The following EZH2 variants were observed in gnomAD, a reference collection of about 807,000 sequenced individuals.
EZH2 encodes histone-lysine N-methyltransferase EZH2.
A neutral mutation model predicts 98.4 loss-of-function variants in EZH2; 18 were observed. The ratio of observed to expected loss-of-function variants is 0.18; its 90% confidence interval spans 0.13 to 0.27. The LOEUF (loss-of-function observed/expected upper bound fraction) is 0.27. Ranked by LOEUF, EZH2 falls within the 10% of genes least tolerant of loss-of-function variation. The probability of loss-of-function intolerance (pLI) is 1.00; values close to 1 mark genes in which losing one functional copy is unlikely to be tolerated. For missense variants in EZH2, 470 were observed against 935.1 expected (o/e 0.50, Z 6.49); for synonymous variants, 338 against 312.3 (o/e 1.08, Z -0.87).
At chr7:148,842,769 T>A (rs959133001) in intron 3 of EZH2, among the ~76,000 whole-genome samples, 4 of 152,054 alleles carry the variant, frequency 2.6e-5, no homozygotes, top group African/African-American at 7.2e-5. Flanking sequence ...TAAAGTATCT[T>A]AAAAACACAT....
intron 19 of EZH2, among the ~76,000 whole-genome samples, 180 bp from the exon 20 acceptor site, chr7:148,807,886 A>G (rs1371286811): frequency 2.6e-5 from 4 of 151,930 alleles, no homozygotes; most frequent in Non-Finnish European, 5.9e-5. Context: ...ATAGAAGGCA[A>G]TGCATAGGTC....
At chr7:148,828,708 T>G (rs1563243322) in intron 6 of EZH2, 32 bp downstream of exon 6, 1 of 1,598,744 alleles carries the variant, frequency 6.3e-7, no homozygotes, top group Non-Finnish European at 8.5e-7. Context: ...AAAGCTGTAA[T>G]GGCTACACAG....
intron 12 of EZH2, among the ~76,000 whole-genome samples, chr7:148,816,043 C>T (rs749082975): frequency 6.6e-6 from 1 of 152,182 alleles, no homozygotes; most frequent in Non-Finnish European, 1.5e-5. Context: ...GAAAATGTAA[C>T]ATGAGCCTGT....
At chr7:148,866,682 A>G (rs1818589736) in intron 1 of EZH2, among the ~76,000 whole-genome samples, 1 of 144,572 alleles carries the variant, frequency 6.9e-6, no homozygotes, top group East Asian at 2.0e-4. Context: ...ATGTACGTAT[A>G]TGCATATATA....
intron 3 of EZH2, among the ~76,000 whole-genome samples, chr7:148,835,947 G>A (rs1433329109): frequency 6.6e-6 from 1 of 152,136 alleles, no homozygotes; most frequent in African/African-American, 2.4e-5. Context: ...AGAACTTATG[G>A]AAGCACAGAA....
At chr7:148,820,375 C>T (rs150407128) in intron 8 of EZH2, among the ~76,000 whole-genome samples, 6 of 152,248 alleles carry the variant, frequency 3.9e-5, no homozygotes, top group African/African-American at 1.4e-4. Context: ...GCTAACTTCA[C>T]AGAATTTCTT....
rs777775240 is a variant in EZH2 at position 148,836,725 on chromosome 7, TG to T, written c.247-3976del. 561 of 391,616 alleles carry T rather than the reference TG, an allele frequency of 1.4e-3. 1 individual carries two copies. The highest frequency in any genetic ancestry group is 2.8e-3 in the Admixed American group (81 of 28,930). 24.3% of individuals were successfully genotyped at this position (391,616 alleles called of 1,614,324 possible). A position where few individuals can be genotyped will look rare whatever the true frequency, so the allele number is the denominator to read the frequency against. On this transcript the variant is annotated intron_variant, in intron 3 of 19. Transcript: ENST00000320356. ...ATCAATGGTTTAAAAAAAAAGGGGA[TG>T]GGGGGGACTAGAATCATTACCAAGG...
At chr7:148,809,269 A>C in intron 18 of EZH2, 41 bp downstream of exon 18, 1 of 1,587,236 alleles carries the variant, frequency 6.3e-7, no homozygotes, top group African/African-American at 1.3e-5. Context: ...TCATCACAGG[A>C]CTGAAAAGGG....
intron 3 of EZH2, among the ~76,000 whole-genome samples, chr7:148,841,212 C>A (rs1585113669): frequency 6.7e-6 from 1 of 149,378 alleles, no homozygotes; most frequent in African/African-American, 2.5e-5. Flanking sequence ...TTTGGAAAAG[C>A]ATAAAATGCT....
At chr7:148,843,235 C>T (rs1016029417) in intron 3 of EZH2, among the ~76,000 whole-genome samples, 9 of 150,918 alleles carry the variant, frequency 6.0e-5, no homozygotes, top group Non-Finnish European at 5.9e-5. Flanking sequence ...AAAATTAGCC[C>T]GATGTGGTGG....
chr7:148,841,275 A>T (rs1812360982), intron 3 of EZH2, among the ~76,000 whole-genome samples: 3 of 152,102 alleles, frequency 2.0e-5, no homozygotes, highest in Admixed American at 2.0e-4. Flanking sequence ...ATCATTTAAG[A>T]AATGTTACAT....
chr7:148,881,859 G>A (rs917327672), intron 1 of EZH2, among the ~76,000 whole-genome samples: 2 of 151,316 alleles, frequency 1.3e-5, no homozygotes, highest in Non-Finnish European at 2.9e-5. Flanking sequence ...CCTTAAACCC[G>A]GGAGGCAGAG....
chr7:148,843,673 G>A lies in EZH2; in HGVS notation c.246+2797C>T, dbSNP rs979161584. Reference sequence around the variant, plus strand: ...TGCAGTGGCGCGATCTCGGCTCACTGCAAGCTCCGCCTCCCAGGTTCACGC... The same window carrying A: ...TGCAGTGGCGCGATCTCGGCTCACTACAAGCTCCGCCTCCCAGGTTCACGC... On this transcript the variant is annotated intron_variant, in intron 3 of 19. Transcript: ENST00000320356. 3.0e-5 allele frequency among the ~76,000 whole-genome samples: 4 copies of A among 132,732 alleles called. No homozygotes were observed. In the South Asian group the frequency reaches 9.6e-4, roughly 32 times the overall value. 87.1% of individuals were successfully genotyped at this position (132,732 alleles called of 152,430 possible).
At chr7:148,857,897 A>G (rs1390401179) in intron 1 of EZH2, among the ~76,000 whole-genome samples, 1 of 152,084 alleles carries the variant, frequency 6.6e-6, no homozygotes. Flanking sequence ...GATAACAGAA[A>G]CAAATTTTAA....
intron 1 of EZH2, among the ~76,000 whole-genome samples, chr7:148,855,216 A>C (rs1816614311): frequency 6.6e-6 from 1 of 152,266 alleles, no homozygotes; most frequent in Admixed American, 6.5e-5. Flanking sequence ...CTCAGCAGAG[A>C]GAGTGCTGTC....
At chr7:148,865,152 A>T (rs776725871) in intron 1 of EZH2, among the ~76,000 whole-genome samples, 129 of 151,994 alleles carry the variant, frequency 8.5e-4, no homozygotes, top group Admixed American at 1.6e-3. Context: ...AAGTACCAGA[A>T]ACTAAAGCTA....
chr7:148,840,309 T>C (rs1026614588), intron 3 of EZH2, among the ~76,000 whole-genome samples: 2 of 152,182 alleles, frequency 1.3e-5, no homozygotes, highest in Non-Finnish European at 2.9e-5. Context: ...CAATAAATTA[T>C]GGTATATCCA....
At chr7:148,822,448 T>C (rs1449351865) in intron 8 of EZH2, among the ~76,000 whole-genome samples, 2 of 150,650 alleles carry the variant, frequency 1.3e-5, no homozygotes, top group African/African-American at 2.4e-5. Context: ...AGGCAAAGGC[T>C]GCAATGAGCC....
intron 1 of EZH2, among the ~76,000 whole-genome samples, chr7:148,861,517 G>A (rs1261245330): frequency 1.3e-5 from 2 of 152,154 alleles, no homozygotes; most frequent in Admixed American, 1.3e-4. Flanking sequence ...ATGAGCCACA[G>A]CGCCCGCCCT....
Sources: allele counts gnomAD v4.1 joint callset (sites outside exome capture counted in the v4.1 genomes callset), GRCh38; gene constraint gnomAD v4.1.1; transcripts MANE v1.5; gene names NCBI Gene and HGNC (gene_info 2026-07-23, HGNC 2026-07-21).